The following PLCL1 variants were observed in gnomAD, a reference collection of about 807,000 sequenced individuals.
PLCL1 encodes the protein inactive phospholipase C-like protein 1.
A neutral mutation model predicts 84.4 loss-of-function variants in PLCL1; 41 were observed. That is an observed-to-expected ratio of 0.49 (90% confidence interval 0.38 to 0.63). The LOEUF (loss-of-function observed/expected upper bound fraction) is 0.63. Among genes scored for constraint, PLCL1 ranks in the 30% least tolerant of loss-of-function variants. The pLI, the probability that PLCL1 is intolerant of heterozygous loss-of-function variation, is 0.00. For missense variants in PLCL1, 1,206 were observed against 1,367.8 expected (o/e 0.88, Z 1.87); for synonymous variants, 490 against 488.3 (o/e 1.00, Z -0.05).
intron 1 of PLCL1, among the ~76,000 whole-genome samples, chr2:197,946,874 C>T (rs1415506068): frequency 6.6e-6 from 1 of 152,010 alleles, no homozygotes; most frequent in East Asian, 1.9e-4. Flanking sequence ...GGTGTGTGGC[C>T]GTTTGGTTGG....
Position 198,065,353 on chromosome 2 carries a change from A to G in PLCL1, c.241-18405A>G, listed in dbSNP as rs533226704. Among the ~76,000 whole-genome samples the G allele has an allele frequency of 3.9e-5, 6 of 152,292 alleles. No homozygotes were observed. In the South Asian group the frequency reaches 8.3e-4, roughly 21 times the overall value. On this transcript the variant is annotated intron_variant, in intron 1 of 5. Transcript: ENST00000428675. ...AAGTCAGAAAGCTTTTCAAGTCTAA[A>G]TAACTTAATTCTTCTTACAGAATTC...
intron 1 of PLCL1, among the ~76,000 whole-genome samples, chr2:198,038,703 A>G (rs1236284769): frequency 2.0e-5 from 3 of 152,114 alleles, no homozygotes; most frequent in African/African-American, 4.8e-5. Context: ...GTAGAATACA[A>G]CAATCACTTC....
chr2:197,978,393 C>T (rs1250923685), intron 1 of PLCL1, among the ~76,000 whole-genome samples: 2 of 152,258 alleles, frequency 1.3e-5, no homozygotes, highest in Non-Finnish European at 1.5e-5. Flanking sequence ...AGGAGAATGG[C>T]GTGAACCCGG....
intron 1 of PLCL1, among the ~76,000 whole-genome samples, chr2:198,009,092 C>G (rs967309362): frequency 4.5e-4 from 68 of 151,720 alleles, no homozygotes; most frequent in African/African-American, 1.5e-3. Flanking sequence ...GGATATTAAC[C>G]CCTTTTCAGA....
rs566777624 is a variant in PLCL1, at chr2:197,943,502, C to T, written c.240+138163C>T. 1.0e-3 allele frequency among the ~76,000 whole-genome samples: 157 copies of T among 151,960 alleles called. 2 individuals carry two copies. The highest frequency in any genetic ancestry group is 3.7e-3 in the African/African-American group (154 of 41,430). ...CTCCTCATGTGAAAATAATATTCCT[C>T]TTGTTAAATCAATTTACTTTCTATA... On this transcript the variant is annotated intron_variant, in intron 1 of 5. Transcript: ENST00000428675.
rs745781650 is a variant in PLCL1, at chr2:198,046,520, C to T, written c.241-37238C>T. 3.3e-5 allele frequency among the ~76,000 whole-genome samples: 5 copies of T among 152,280 alleles called. 1 individual carries two copies. Among genetic ancestry groups the T allele is most frequent in the South Asian group, 2.1e-4 (1 of 4,824 alleles). On this transcript the variant is annotated intron_variant, in intron 1 of 5. Transcript: ENST00000428675. ...AGAGAAAGATATATCACTTTATAATCGAGGGCTAAATTGTATGATAGTATC... is the reference window on the plus strand; with the variant it reads ...AGAGAAAGATATATCACTTTATAATTGAGGGCTAAATTGTATGATAGTATC...
chr2:197,861,065 G>A (rs1479032388), intron 1 of PLCL1, among the ~76,000 whole-genome samples: 1 of 152,138 alleles, frequency 6.6e-6, no homozygotes, highest in Non-Finnish European at 1.5e-5. Flanking sequence ...AATCTCCAAA[G>A]TGATAAGCGT....
At chr2:198,104,875 G>C (rs1001720854) in intron 5 of PLCL1, among the ~76,000 whole-genome samples, 2 of 151,850 alleles carry the variant, frequency 1.3e-5, no homozygotes, top group East Asian at 3.9e-4. Flanking sequence ...TTCTAATGGG[G>C]TGTTTATTTT....
chr2:198,017,162 C>T (rs1691017970), intron 1 of PLCL1, among the ~76,000 whole-genome samples: 1 of 152,140 alleles, frequency 6.6e-6, no homozygotes, highest in African/African-American at 2.4e-5. Flanking sequence ...ACCACAATGA[C>T]ACATATGATG....
chr2:197,958,172 CT>C (rs962895969), intron 1 of PLCL1, among the ~76,000 whole-genome samples: 196 of 150,326 alleles, frequency 1.3e-3, no homozygotes, highest in African/African-American at 4.3e-3. Flanking sequence ...GTTAATTAGC[CT>C]TTTTTTTTGG....
intron 1 of PLCL1, among the ~76,000 whole-genome samples, chr2:197,988,684 T>C (rs1690270930): frequency 6.6e-6 from 1 of 152,184 alleles, no homozygotes; most frequent in Non-Finnish European, 1.5e-5. Context: ...CAATAAACAT[T>C]TGTGTGCAGC....
chr2:198,097,012 T>A (rs1479030372), intron 3 of PLCL1, among the ~76,000 whole-genome samples: 1 of 152,222 alleles, frequency 6.6e-6, no homozygotes, highest in Non-Finnish European at 1.5e-5. Context: ...CCATTTAAAT[T>A]AAAATTGGAT....
At chr2:198,001,951 G>C in intron 1 of PLCL1, 1 of 434,268 alleles carries the variant, frequency 2.3e-6, no homozygotes, top group Non-Finnish European at 4.6e-6. Flanking sequence ...ATCACCCCCA[G>C]ATGGGACTGT....
At chr2:197,990,135 A>T (rs898421474) in intron 1 of PLCL1, among the ~76,000 whole-genome samples, 27 of 152,308 alleles carry the variant, frequency 1.8e-4, no homozygotes, top group Admixed American at 1.6e-3. Flanking sequence ...GCAGCAGACC[A>T]CTTGAGGAAG....
intron 1 of PLCL1, among the ~76,000 whole-genome samples, chr2:198,030,704 T>TA (rs1237100678): frequency 3.3e-5 from 5 of 152,206 alleles, no homozygotes; most frequent in Non-Finnish European, 7.3e-5. Context: ...GTTATTCTGC[T>TA]TTGCTAATGA....
chr2:198,146,194 T>A (rs1294667405), intron 5 of PLCL1, among the ~76,000 whole-genome samples: 1 of 152,170 alleles, frequency 6.6e-6, no homozygotes, highest in Admixed American at 6.5e-5. Context: ...GGGAACATCA[T>A]CTTCAGGATG....
intron 1 of PLCL1, among the ~76,000 whole-genome samples, chr2:197,821,089 A>G (rs1399750537): frequency 2.6e-5 from 4 of 152,094 alleles, no homozygotes; most frequent in Non-Finnish European, 5.9e-5. Flanking sequence ...CTGTCTTTGT[A>G]GTTTTCTTCA....
At chr2:197,881,355 C>T (rs1221274422) in intron 1 of PLCL1, among the ~76,000 whole-genome samples, 1 of 152,026 alleles carries the variant, frequency 6.6e-6, no homozygotes, top group Non-Finnish European at 1.5e-5. Flanking sequence ...GGGGGACAGC[C>T]CTCTTAGTTT....
chr2:198,129,786 G>T (rs1040660900), intron 5 of PLCL1, among the ~76,000 whole-genome samples: 2 of 151,822 alleles, frequency 1.3e-5, no homozygotes, highest in Non-Finnish European at 2.9e-5. Flanking sequence ...TCTTAACAGG[G>T]TTGTTTATAC....
Sources: gnomAD v4.1 joint callset for allele counts (sites outside exome capture counted in the v4.1 genomes callset) on GRCh38, gnomAD v4.1.1 for gene constraint, MANE v1.5 for transcripts, NCBI Gene and HGNC (gene_info 2026-07-23, HGNC 2026-07-21) for gene names.